SHROOM3: variants seen among roughly 807,000 people sequenced by gnomAD.
The protein encoded by SHROOM3 is protein Shroom3.
In SHROOM3, 47 loss-of-function variants were observed where a neutral mutation model predicts 138.6. The ratio of observed to expected loss-of-function variants is 0.34; its 90% confidence interval spans 0.27 to 0.43. SHROOM3 has a LOEUF of 0.43. Ranked by LOEUF, SHROOM3 falls within the 20% of genes least tolerant of loss-of-function variation. SHROOM3 has a pLI of 1.00. For synonymous variants in SHROOM3, 1,062 were observed against 1,063.3 expected, an observed-to-expected ratio of 1.00 and a Z score of 0.02; for missense variants, 2,491 against 2,596.5, an observed-to-expected ratio of 0.96 and a Z score of 0.88.
intron 2 of SHROOM3, among the ~76,000 whole-genome samples, chr4:76,619,610 G>C (rs551223775): frequency 6.6e-6 from 1 of 152,206 alleles, no homozygotes; most frequent in Non-Finnish European, 1.5e-5. Context: ...GGAAACATGG[G>C]GATACAGACT....
chr4:76,568,066 C>G (rs1207725722), intron 2 of SHROOM3, among the ~76,000 whole-genome samples: 2 of 152,106 alleles, frequency 1.3e-5, no homozygotes, highest in East Asian at 3.8e-4. Context: ...TTTTACCTGT[C>G]TCTCTGTCAC....
At chr4:76,642,742 A>G (rs1735706260) in intron 2 of SHROOM3, among the ~76,000 whole-genome samples, 1 of 152,158 alleles carries the variant, frequency 6.6e-6, no homozygotes, top group African/African-American at 2.4e-5. Context: ...GCCAGGAACA[A>G]GGGCTCTATG....
chr4:76,680,390 C>T (rs982818047), intron 2 of SHROOM3, among the ~76,000 whole-genome samples: 11 of 152,294 alleles, frequency 7.2e-5, no homozygotes, highest in Non-Finnish European at 1.0e-4. Context: ...CTGCCCGCCT[C>T]GGCCTCCCAA....
chr4:76,732,951 A>G (rs750486943), intron 4 of SHROOM3, among the ~76,000 whole-genome samples: 3 of 152,230 alleles, frequency 2.0e-5, no homozygotes, highest in Admixed American at 6.5e-5. Context: ...TGATTATAAT[A>G]ATTAAGCTGA....
At chr4:76,521,943 T>C (rs929776426) in intron 1 of SHROOM3, among the ~76,000 whole-genome samples, 1 of 152,196 alleles carries the variant, frequency 6.6e-6, no homozygotes, top group Non-Finnish European at 1.5e-5. Flanking sequence ...GGACATGATA[T>C]CATCTTGTGG....
chr4:76,710,347 C>T (rs1720195624), intron 3 of SHROOM3, 60 bp downstream of exon 3: 1 of 1,604,386 alleles, frequency 6.2e-7, no homozygotes, highest in Non-Finnish European at 8.5e-7. Context: ...CAAAAAGCCA[C>T]TCAGCTGCTG....
At chr4:76,581,955 C>T (rs1039929475) in intron 2 of SHROOM3, among the ~76,000 whole-genome samples, 1 of 152,150 alleles carries the variant, frequency 6.6e-6, no homozygotes, top group Non-Finnish European at 1.5e-5. Context: ...AGTGTGACTT[C>T]CAAAAGTGAG....
chr4:76,508,712 T>C (rs1732266316), intron 1 of SHROOM3, among the ~76,000 whole-genome samples: 1 of 152,250 alleles, frequency 6.6e-6, no homozygotes, highest in Non-Finnish European at 1.5e-5. Context: ...TTTAGGTCTT[T>C]TAAATTTTCT....
At chr4:76,581,263 C>A (rs1734048244) in intron 2 of SHROOM3, among the ~76,000 whole-genome samples, 1 of 152,052 alleles carries the variant, frequency 6.6e-6, no homozygotes, top group African/African-American at 2.4e-5. Flanking sequence ...TGAAGAAATA[C>A]CTTGGTTTCC....
At chr4:76,456,980 A>T (rs1391954747) in intron 1 of SHROOM3, among the ~76,000 whole-genome samples, 1 of 152,240 alleles carries the variant, frequency 6.6e-6, no homozygotes, top group Non-Finnish European at 1.5e-5. Flanking sequence ...TACATTGATC[A>T]GTTAGGGTGG....
chr4:76,690,565 T>C (rs188608423), intron 2 of SHROOM3, among the ~76,000 whole-genome samples: 36 of 152,346 alleles, frequency 2.4e-4, no homozygotes, highest in Admixed American at 1.9e-3. Flanking sequence ...TTTTAATTAG[T>C]TGTTTTAAAG....
chr4:76,502,330 C>T (rs1485482573), intron 1 of SHROOM3, among the ~76,000 whole-genome samples: 4 of 152,200 alleles, frequency 2.6e-5, no homozygotes, highest in Non-Finnish European at 5.9e-5. Context: ...CTGTGAGACA[C>T]TCTAGCAAAT....
At chr4:76,726,620 T>TGTGTGA (rs1292564637) in intron 3 of SHROOM3, among the ~76,000 whole-genome samples, 2 of 150,472 alleles carry the variant, frequency 1.3e-5, no homozygotes, top group African/African-American at 4.9e-5. Flanking sequence ...CATTGCTCGC[T>TGTGTGA]ACAGCTTCAA....
At position 76,754,504 on chromosome 4, in the gene SHROOM3, G is replaced by A. The variant is rs749040317; in HGVS notation, c.4021G>A (p.Gly1341Arg). 6 of 1,614,058 alleles carry A rather than the reference G, an allele frequency of 3.7e-6. No homozygotes were observed. In the Admixed American group the frequency reaches 8.3e-5, roughly 22 times the overall value. The change falls in exon 7 of 11, where the codon GGG (glycine) becomes AGG (arginine). Residue 1341 changes from glycine (G) to arginine (R), a missense_variant. This residue lies in a region of SHROOM3 where 1,733 missense variants were observed against 1,661.6 expected (regional missense o/e 1.04). Coordinates refer to ENST00000296043, the MANE Select transcript of SHROOM3 (RefSeq NM_020859.4). ...CAGGCCACCACTGGCAGGAACGCAAGGGCTGGTCACAGACACCAGGGCTGC... is the reference window on the plus strand; with the variant it reads ...CAGGCCACCACTGGCAGGAACGCAAAGGCTGGTCACAGACACCAGGGCTGC... The part of the protein sequence containing the change: ...CPRPPLAGTQ[G>R]LVTDTRAAPL...
At chr4:76,489,437 C>G (rs946513940) in intron 1 of SHROOM3, among the ~76,000 whole-genome samples, 1 of 152,178 alleles carries the variant, frequency 6.6e-6, no homozygotes, top group African/African-American at 2.4e-5. Flanking sequence ...TTAATCTCTG[C>G]TACTTAAAAA....
At chr4:76,678,619 T>C (rs1719104967) in intron 2 of SHROOM3, among the ~76,000 whole-genome samples, 1 of 152,204 alleles carries the variant, frequency 6.6e-6, no homozygotes, top group Non-Finnish European at 1.5e-5. Context: ...AATTCTGATA[T>C]GACGCAAAGA....
chr4:76,740,995 T>C lies in SHROOM3; in HGVS notation c.2822T>C (p.Phe941Ser). ...TCCCGTGTCTTGGGGGCCACCTCCT[T>C]TCGACGTCGAGACCTGGAGCTGGGG... ...AQSRVLGATSFRRRDLELGAP... is the reference protein window; with the variant it reads ...AQSRVLGATSSRRRDLELGAP... Residue 941 changes from phenylalanine (F) to serine (S), a missense_variant, in exon 5 of 11, where the codon TTT becomes TCT. Physicochemically the swap from Phe to Ser is radical, Grantham distance 155 (BLOSUM62 -2). Coordinates refer to ENST00000296043, the MANE Select transcript of SHROOM3 (RefSeq NM_020859.4). The surrounding 1 kb of genome is among the most constrained non-coding windows in gnomAD (Gnocchi z 4.0). 1 of 1,489,064 alleles carries C rather than the reference T, an allele frequency of 6.7e-7. No individual in the cohort carries two copies. The highest frequency in any genetic ancestry group is 2.6e-5 in the Admixed American group (1 of 39,190). The allele number at this position is 1,489,064 out of a possible 1,614,324, so 92.2% of individuals were successfully genotyped here.
At chr4:76,580,360 T>C (rs1228125720) in intron 2 of SHROOM3, among the ~76,000 whole-genome samples, 1 of 152,104 alleles carries the variant, frequency 6.6e-6, no homozygotes, top group Non-Finnish European at 1.5e-5. Flanking sequence ...ATATGTGCAG[T>C]AGTGTTTAAG....
intron 2 of SHROOM3, among the ~76,000 whole-genome samples, chr4:76,574,786 C>CA (rs1577895086): frequency 1.3e-5 from 2 of 152,004 alleles, no homozygotes; most frequent in Non-Finnish European, 2.9e-5. Context: ...AATTCATACA[C>CA]AAAAAATGTA....
Sources: allele counts gnomAD v4.1 joint callset (sites outside exome capture counted in the v4.1 genomes callset), GRCh38; gene constraint gnomAD v4.1.1; regional missense constraint gnomAD v4.1.1; non-coding constraint Gnocchi (gnomAD v3.1); transcripts MANE v1.5; gene names NCBI Gene and HGNC (gene_info 2026-07-23, HGNC 2026-07-21).